SMARCAD1: variants seen among roughly 807,000 people sequenced by gnomAD.
SMARCAD1 encodes the protein SNF2 related chromatin remodeling ATPase with DExD box 1, also known as SWI/SNF-related matrix-associated actin-dependent regulator of chromatin subfamily A containing DEAD/H box 1.
Under a neutral mutation model 127.1 loss-of-function variants are expected in SMARCAD1, and 25 were observed. The observed-to-expected ratio is 0.20, with a 90% CI of 0.14 to 0.27. The LOEUF is 0.27. SMARCAD1 is among the 10% of genes least tolerant of loss of function. SMARCAD1 has a pLI of 1.00. For missense variants in SMARCAD1, 807 were observed against 1,206.0 expected (o/e 0.67, Z 4.90); for synonymous variants, 400 against 396.9 (o/e 1.01, Z -0.09).
At chr4:94,210,675 G>A (rs2016428) in intron 2 of SMARCAD1, among the ~76,000 whole-genome samples, 2 of 152,056 alleles carry the variant, frequency 1.3e-5, no homozygotes, top group Non-Finnish European at 2.9e-5. Flanking sequence ...CGCGGTGGCT[G>A]AAGCCTGTAA....
At chr4:94,282,962 G>A (rs1754322387) in intron 21 of SMARCAD1, among the ~76,000 whole-genome samples, 159 bp from the exon 22 acceptor site, 1 of 152,116 alleles carries the variant, frequency 6.6e-6, no homozygotes, top group East Asian at 1.9e-4. Context: ...GGGAATTGAG[G>A]AGGCTCTTCA....
At chr4:94,239,214 G>A (rs1747187793) in intron 5 of SMARCAD1, among the ~76,000 whole-genome samples, 2 of 152,086 alleles carry the variant, frequency 1.3e-5, no homozygotes, top group African/African-American at 4.8e-5. Context: ...TTGAAGATAA[G>A]GTTAATCTTC....
chr4:94,237,078 T>G, intron 5 of SMARCAD1, 60 bp downstream of exon 5: 2 of 1,279,886 alleles, frequency 1.6e-6, no homozygotes, highest in Non-Finnish European at 2.3e-6. Context: ...TAATAGTACC[T>G]TCTCATTAAT....
chr4:94,268,253 GT>G (rs1018226674), intron 10 of SMARCAD1, among the ~76,000 whole-genome samples: 3 of 152,182 alleles, frequency 2.0e-5, no homozygotes, highest in Admixed American at 6.5e-5. Flanking sequence ...AATCTGTGTA[GT>G]TTTTTAAATT....
chr4:94,223,235 C>G (rs903772282), intron 2 of SMARCAD1, among the ~76,000 whole-genome samples: 2 of 152,146 alleles, frequency 1.3e-5, no homozygotes, highest in Non-Finnish European at 2.9e-5. Context: ...TAGCTCACAT[C>G]TGTAATCCCA....
chr4:94,245,245 A>G (rs1161825233), intron 6 of SMARCAD1, among the ~76,000 whole-genome samples: 2 of 152,262 alleles, frequency 1.3e-5, no homozygotes. Context: ...CACAGAAAAC[A>G]TTCAGCAACT....
chr4:94,286,897 C>G (rs868765730), intron 23 of SMARCAD1, among the ~76,000 whole-genome samples: 1 of 152,176 alleles, frequency 6.6e-6, no homozygotes, highest in African/African-American at 2.4e-5. Flanking sequence ...CAGAGTCTTG[C>G]TCTGTCGCCC....
chr4:94,265,253 A>G (rs1751559199), intron 10 of SMARCAD1, among the ~76,000 whole-genome samples: 1 of 151,946 alleles, frequency 6.6e-6, no homozygotes. Context: ...ATATCCTAAA[A>G]AAAGTCAGCT....
At chr4:94,273,775 G>C in intron 12 of SMARCAD1, 59 bp downstream of exon 12, 6 of 1,364,904 alleles carry the variant, frequency 4.4e-6, no homozygotes, top group Non-Finnish European at 6.3e-6. Context: ...AGGTAGAAGA[G>C]AGTGTGTGTA....
intron 2 of SMARCAD1, among the ~76,000 whole-genome samples, chr4:94,215,963 C>G (rs997509857): frequency 1.3e-5 from 2 of 152,064 alleles, no homozygotes; most frequent in African/African-American, 4.8e-5. Flanking sequence ...GTGTCTTAGT[C>G]TGTTAGAACT....
intron 3 of SMARCAD1, among the ~76,000 whole-genome samples, chr4:94,233,664 A>G (rs962743933): frequency 6.6e-6 from 1 of 152,210 alleles, no homozygotes; most frequent in African/African-American, 2.4e-5. Flanking sequence ...TGGGCATGCA[A>G]TAAATGCGTG....
At chr4:94,256,851 G>A (rs1019828206) in intron 9 of SMARCAD1, among the ~76,000 whole-genome samples, 3 of 152,128 alleles carry the variant, frequency 2.0e-5, no homozygotes, top group Non-Finnish European at 4.4e-5. Flanking sequence ...AAATCTGCAA[G>A]TACATTTTGA....
Position 94,283,839 on chromosome 4 carries a change from A to C in SMARCAD1, c.2909+536A>C, listed in dbSNP as rs113075903. On this transcript the variant is annotated intron_variant, in intron 22 of 23. Transcript: ENST00000354268. ...AGACTCCATCTCAAAACAAACAAAC[A>C]AAAAAATTGTCTACCCCTTTGAAAA... is the stretch of plus-strand genomic sequence containing the variant. Among the ~76,000 whole-genome samples, 720 of 152,112 alleles carry C rather than the reference A, an allele frequency of 4.7e-3. 2 individuals carry two copies. The highest frequency in any genetic ancestry group is 7.1e-3 in the Non-Finnish European group (485 of 67,970).
At position 94,276,483 on chromosome 4, in the gene SMARCAD1, A is replaced by C; in HGVS notation, c.1944+9A>C. 4 of 1,613,992 alleles carry C rather than the reference A, an allele frequency of 2.5e-6. No individual in the cohort carries two copies. The highest frequency in any genetic ancestry group is 1.1e-5 in the South Asian group (1 of 91,068). ...ACCTTATGACAATTAATGTAAGAGA[A>C]TGTTTGTAAAGTTTTCCAAATTACT... is the stretch of plus-strand genomic sequence containing the variant. On this transcript the variant is annotated intron_variant, in intron 15 of 23. Transcript: ENST00000354268.
At chr4:94,262,394 G>A (rs1176594750) in intron 9 of SMARCAD1, among the ~76,000 whole-genome samples, 1 of 152,082 alleles carries the variant, frequency 6.6e-6, no homozygotes, top group African/African-American at 2.4e-5. Flanking sequence ...CCTGAAGATC[G>A]TGAATCTTAT....
intron 10 of SMARCAD1, among the ~76,000 whole-genome samples, chr4:94,268,328 C>G (rs1297685339): frequency 6.6e-6 from 1 of 151,954 alleles, no homozygotes; most frequent in African/African-American, 2.4e-5. Flanking sequence ...AGACTCTTTT[C>G]CCAATGTGTG....
At chr4:94,248,474 A>ATT (rs1369260414) in intron 6 of SMARCAD1, 2 of 456,060 alleles carry the variant, frequency 4.4e-6, no homozygotes, top group Admixed American at 4.7e-5. Context: ...TGTTCTTGGA[A>ATT]TTTCAGTGTG....
chr4:94,239,876 T>G (rs552963520), intron 5 of SMARCAD1, among the ~76,000 whole-genome samples: 64 of 152,158 alleles, frequency 4.2e-4, no homozygotes, highest in Non-Finnish European at 7.5e-4. Context: ...CTGGCTTCTG[T>G]TCTGTTCTTT....
Position 94,226,973 on chromosome 4 carries a change from G to A in SMARCAD1, c.368+677G>A, listed in dbSNP as rs552614115. 7.4e-4 allele frequency among the ~76,000 whole-genome samples: 112 copies of A among 152,010 alleles called. 1 individual carries two copies. Among genetic ancestry groups the A allele is most frequent in the African/African-American group, 2.6e-3 (106 of 41,458 alleles). On this transcript the variant is annotated intron_variant, in intron 3 of 23. Coordinates refer to ENST00000354268, the MANE Select transcript of SMARCAD1 (RefSeq NM_020159.5). ...GCCATCTCAGCCTCCCAAAGTGCTG[G>A]GATTACAGGCGTTAGACACCACACC...
Sources: gnomAD v4.1 joint callset for allele counts (sites outside exome capture counted in the v4.1 genomes callset) on GRCh38, gnomAD v4.1.1 for gene constraint, MANE v1.5 for transcripts, NCBI Gene and HGNC (gene_info 2026-07-23, HGNC 2026-07-21) for gene names.